MAD1L1: variants seen among roughly 807,000 people sequenced by gnomAD.
MAD1L1 encodes mitotic spindle assembly checkpoint protein MAD1.
Under a neutral mutation model 96.9 loss-of-function variants are expected in MAD1L1, and 95 were observed. The observed-to-expected ratio is 0.98, with a 90% confidence interval of 0.83 to 1.16. The LOEUF (loss-of-function observed/expected upper bound fraction) is 1.16, where lower values mean the gene tolerates loss of function less well. Among genes scored for constraint, MAD1L1 ranks in the 50% most tolerant of loss-of-function variants. The probability of loss-of-function intolerance (pLI) is 0.00; values close to 1 mark genes in which losing one functional copy is unlikely to be tolerated. For synonymous variants in MAD1L1, 473 were observed against 396.6 expected (o/e 1.19, Z -2.29); for missense variants, 1,007 against 954.4 (o/e 1.06, Z -0.73).
At chr7:1,833,759 G>A (rs1181885981) in intron 18 of MAD1L1, among the ~76,000 whole-genome samples, 7 of 152,202 alleles carry the variant, frequency 4.6e-5, no homozygotes, top group Non-Finnish European at 8.8e-5. Context: ...TGGCCAACAT[G>A]GTGAAACCCC....
chr7:2,073,117 C>T (rs1785215492), intron 11 of MAD1L1, among the ~76,000 whole-genome samples: 1 of 152,202 alleles, frequency 6.6e-6, no homozygotes, highest in Admixed American at 6.5e-5. Flanking sequence ...CTCGGTGAGG[C>T]AGGACGGCAG....
At chr7:1,996,630 C>T (rs1387301346) in intron 14 of MAD1L1, among the ~76,000 whole-genome samples, 12 of 152,176 alleles carry the variant, frequency 7.9e-5, no homozygotes, top group African/African-American at 2.9e-4. Flanking sequence ...GGGTGGGGGA[C>T]GGGAAGCAGC....
At chr7:1,967,899 G>A (rs992001910) in intron 15 of MAD1L1, among the ~76,000 whole-genome samples, 2 of 148,364 alleles carry the variant, frequency 1.3e-5, no homozygotes, top group Admixed American at 6.6e-5. Context: ...AGAACACAGA[G>A]CACGCGGGAA....
chr7:1,874,572 G>C (rs1284050583), intron 18 of MAD1L1: 1 of 454,282 alleles, frequency 2.2e-6, no homozygotes, highest in East Asian at 7.0e-5. Flanking sequence ...AAGCGCTGTT[G>C]AGTGGCTCTC....
intron 12 of MAD1L1, among the ~76,000 whole-genome samples, chr7:2,018,709 G>C (rs1323931777): frequency 6.6e-6 from 1 of 152,054 alleles, no homozygotes; most frequent in Non-Finnish European, 1.5e-5. Context: ...TGAGTACCGC[G>C]TGCCCCCTCC....
chr7:1,844,099 T>G (rs2128634697), intron 18 of MAD1L1: 1 of 154,480 alleles, frequency 6.5e-6, no homozygotes, highest in Non-Finnish European at 1.5e-5. Context: ...TCCCCACAAC[T>G]CCAGGTGTGT....
At chr7:2,120,315 C>T (rs867800230) in intron 11 of MAD1L1, among the ~76,000 whole-genome samples, 5 of 152,248 alleles carry the variant, frequency 3.3e-5, no homozygotes, top group African/African-American at 1.2e-4. Context: ...CCCAGCTCAA[C>T]ACCCGCCACC....
At chr7:1,838,503 C>G in intron 18 of MAD1L1, 1 of 326,410 alleles carries the variant, frequency 3.1e-6, no homozygotes, top group South Asian at 2.6e-5. Context: ...TCATCAGTAA[C>G]AAATGGAGCG....
intron 15 of MAD1L1, among the ~76,000 whole-genome samples, chr7:1,965,529 C>T (rs968598219): frequency 1.3e-5 from 2 of 152,220 alleles, no homozygotes; most frequent in African/African-American, 4.8e-5. Flanking sequence ...GAGCTCAAGG[C>T]GAAGTCCTCC....
chr7:2,053,001 G>A (rs924244094), intron 12 of MAD1L1, among the ~76,000 whole-genome samples: 2 of 152,146 alleles, frequency 1.3e-5, no homozygotes, highest in Admixed American at 6.5e-5. Context: ...AGGAGGGAAC[G>A]GGTGGGTGCC....
At chr7:2,060,919 C>T (rs1401319606) in intron 12 of MAD1L1, among the ~76,000 whole-genome samples, 1 of 152,206 alleles carries the variant, frequency 6.6e-6, no homozygotes, top group African/African-American at 2.4e-5. Flanking sequence ...TGAACATCAA[C>T]AGAGAAATTC....
chr7:1,856,852 T>A (rs1784283142), intron 18 of MAD1L1, among the ~76,000 whole-genome samples: 1 of 152,140 alleles, frequency 6.6e-6, no homozygotes, highest in Admixed American at 6.5e-5. Context: ...CCAGGCTCTG[T>A]CACCCTGGGG....
At position 1,929,568 on chromosome 7, in the gene MAD1L1, T is replaced by G. The variant is rs1460865383; in HGVS notation, c.1807+7119A>C. Among the ~76,000 whole-genome samples, 20 of 152,084 alleles carry G rather than the reference T, an allele frequency of 1.3e-4. 1 individual carries two copies. Among genetic ancestry groups the G allele is most frequent in the Admixed American group, 1.3e-3 (20 of 15,276 alleles). On this transcript the variant is annotated intron_variant, in intron 17 of 18. Coordinates refer to ENST00000265854, the MANE Select transcript of MAD1L1 (RefSeq NM_001013836.2). ...CCTGCCTGAACTTCCGAGCAGGGAC[T>G]CAGATCCCCGAGAGCAGGGGCCTCT...
intron 11 of MAD1L1, among the ~76,000 whole-genome samples, chr7:2,139,990 C>CG (rs1788946487): frequency 1.3e-5 from 2 of 150,054 alleles, no homozygotes; most frequent in South Asian, 2.2e-4. Context: ...ATCTGGACCC[C>CG]GCCCCCCCCC....
At chr7:2,168,215 G>A (rs1247275636) in intron 10 of MAD1L1, among the ~76,000 whole-genome samples, 1 of 152,018 alleles carries the variant, frequency 6.6e-6, no homozygotes, top group Non-Finnish European at 1.5e-5. Context: ...AACCCAGGAG[G>A]CAGAGGTTGC....
rs554961306 is a variant in MAD1L1, at chr7:2,115,245, T to C, written c.1073+33907A>G. ...GGGTCAGAGGAGGCGCTGGACAGGG[T>C]CCCCACGTGTTCCAGGGTCAGAGGA... On this transcript the variant is annotated intron_variant, in intron 11 of 18. Coordinates refer to ENST00000265854, the MANE Select transcript of MAD1L1 (RefSeq NM_001013836.2). Among the ~76,000 whole-genome samples, 247 of 151,480 alleles carry C rather than the reference T, an allele frequency of 1.6e-3. 1 individual carries two copies. Among genetic ancestry groups the C allele is most frequent in the African/African-American group, 5.9e-3 (241 of 41,178 alleles).
chr7:1,946,348 G>A (rs867993230), intron 16 of MAD1L1, among the ~76,000 whole-genome samples: 5 of 152,200 alleles, frequency 3.3e-5, no homozygotes, highest in South Asian at 2.1e-4. Context: ...CAGGAGCACC[G>A]TTGGGGGCTG....
At chr7:1,984,659 T>C (rs922203601) in intron 14 of MAD1L1, among the ~76,000 whole-genome samples, 1 of 152,268 alleles carries the variant, frequency 6.6e-6, no homozygotes, top group African/African-American at 2.4e-5. Context: ...ATGGAGATCA[T>C]AGCTCCTGCT....
At chr7:2,174,846 T>C (rs575657466) in intron 10 of MAD1L1, among the ~76,000 whole-genome samples, 49 of 152,230 alleles carry the variant, frequency 3.2e-4, no homozygotes, top group Non-Finnish European at 6.2e-4. Context: ...TCCTCTACAC[T>C]GTTTTTCTGT....
Sources: allele counts gnomAD v4.1 joint callset (sites outside exome capture counted in the v4.1 genomes callset), GRCh38; gene constraint gnomAD v4.1.1; transcripts MANE v1.5; gene names NCBI Gene and HGNC (gene_info 2026-07-23, HGNC 2026-07-21).